RGS7: variants seen among roughly 807,000 people sequenced by gnomAD.
The protein encoded by RGS7 is regulator of G-protein signaling 7.
In RGS7, 27 loss-of-function variants were observed where a neutral mutation model predicts 81.1. That is an observed-to-expected ratio of 0.33 (90% CI 0.25 to 0.46). The LOEUF (loss-of-function observed/expected upper bound fraction) is 0.46, where lower values mean the gene tolerates loss of function less well. RGS7 is among the 20% of genes least tolerant of loss of function. The pLI, the probability that RGS7 is intolerant of heterozygous loss-of-function variation, is 1.00. For missense variants in RGS7, 396 were observed against 607.4 expected, an observed-to-expected ratio of 0.65 and a Z score of 3.66; for synonymous variants, 208 against 207.7, an observed-to-expected ratio of 1.00 and a Z score of -0.01.
chr1:240,966,866 G>T (rs1029091867), intron 4 of RGS7, among the ~76,000 whole-genome samples: 2 of 152,156 alleles, frequency 1.3e-5, no homozygotes, highest in African/African-American at 4.8e-5. Flanking sequence ...AGTAAAATAT[G>T]CAAGATAAAA....
At chr1:240,922,742 C>G (rs1205858205) in intron 6 of RGS7, among the ~76,000 whole-genome samples, 2 of 152,024 alleles carry the variant, frequency 1.3e-5, no homozygotes, top group Non-Finnish European at 2.9e-5. Flanking sequence ...TGTGGAGCAA[C>G]AGGAACTTGC....
intron 6 of RGS7, among the ~76,000 whole-genome samples, chr1:240,922,009 T>C (rs1365472326): frequency 6.6e-6 from 1 of 151,652 alleles, no homozygotes; most frequent in Non-Finnish European, 1.5e-5. Flanking sequence ...TATAAACCTA[T>C]AGTAATCGAG....
chr1:240,775,213 A>C (rs1399149165), downstream of RGS7, among the ~76,000 whole-genome samples: 1 of 152,262 alleles, frequency 6.6e-6, no homozygotes, highest in Non-Finnish European at 1.5e-5. Context: ...CAGAAATATT[A>C]ATTTGCAAAA....
chr1:241,259,842 T>C (rs2148274533), intron 2 of RGS7, among the ~76,000 whole-genome samples: 1 of 151,746 alleles, frequency 6.6e-6, no homozygotes, highest in South Asian at 2.1e-4. Context: ...GATGCCACTA[T>C]ACTTAATTGG....
chr1:241,195,304 C>T (rs80072938), intron 2 of RGS7, among the ~76,000 whole-genome samples: 16 of 151,968 alleles, frequency 1.1e-4, no homozygotes, highest in African/African-American at 3.4e-4. Flanking sequence ...GGTGAAACCC[C>T]GTCTCTACTA....
At chr1:241,203,110 T>C (rs2073639059) in intron 2 of RGS7, among the ~76,000 whole-genome samples, 1 of 152,142 alleles carries the variant, frequency 6.6e-6, no homozygotes, top group South Asian at 2.1e-4. Flanking sequence ...CCTAGAAAAT[T>C]ATTTTACCTG....
At chr1:241,114,178 A>T (rs941802366) in intron 2 of RGS7, among the ~76,000 whole-genome samples, 2 of 152,178 alleles carry the variant, frequency 1.3e-5, no homozygotes, top group African/African-American at 4.8e-5. Flanking sequence ...GTCAAGACTC[A>T]GGCAATGACA....
intron 6 of RGS7, among the ~76,000 whole-genome samples, chr1:240,905,505 C>T (rs923394823): frequency 3.3e-5 from 5 of 152,264 alleles, no homozygotes; most frequent in Non-Finnish European, 7.4e-5. Context: ...CCAACCACAA[C>T]TGAGAAAACT....
At chr1:241,356,604 A>C (rs1184070906) in intron 1 of RGS7, among the ~76,000 whole-genome samples, 4 of 152,140 alleles carry the variant, frequency 2.6e-5, no homozygotes, top group Non-Finnish European at 5.9e-5. Context: ...AACCAGCCAA[A>C]GAGGAGAAAA....
chr1:241,306,320 T>C (rs2080127532), intron 2 of RGS7, among the ~76,000 whole-genome samples: 1 of 148,586 alleles, frequency 6.7e-6, no homozygotes, highest in Admixed American at 6.7e-5. Flanking sequence ...TATACCCATG[T>C]CCACACCCTT....
intron 18 of RGS7, among the ~76,000 whole-genome samples, chr1:240,795,161 A>G (rs1386172640): frequency 1.3e-5 from 2 of 151,902 alleles, no homozygotes; most frequent in Non-Finnish European, 2.9e-5. Flanking sequence ...TCCAGCCTGG[A>G]CAACAAGAGC....
chr1:241,128,512 G>T (rs1479954241), intron 2 of RGS7, among the ~76,000 whole-genome samples: 1 of 145,676 alleles, frequency 6.9e-6, no homozygotes, highest in Non-Finnish European at 1.5e-5. Flanking sequence ...GCTTGAACCC[G>T]GGGCGGAGGT....
At chr1:241,237,076 G>A (rs762150687) in intron 2 of RGS7, among the ~76,000 whole-genome samples, 2 of 152,190 alleles carry the variant, frequency 1.3e-5, no homozygotes, top group African/African-American at 2.4e-5. Context: ...AAAGGTGATT[G>A]TGCAAGCCAG....
chr1:240,805,989 G>T (rs965455551), intron 15 of RGS7, 151 bp downstream of exon 15: 1 of 743,024 alleles, frequency 1.3e-6, no homozygotes, highest in South Asian at 1.5e-5. Flanking sequence ...ATGTGTCTTT[G>T]TTCCTTCCTA....
intron 6 of RGS7, among the ~76,000 whole-genome samples, chr1:240,918,041 T>C (rs552014003): frequency 6.6e-6 from 1 of 152,278 alleles, no homozygotes; most frequent in Non-Finnish European, 1.5e-5. Context: ...AAGGTTCAAT[T>C]CTCCACAAAG....
chr1:240,801,137 A>T (rs1280849780), intron 17 of RGS7, among the ~76,000 whole-genome samples: 1 of 152,140 alleles, frequency 6.6e-6, no homozygotes, highest in Non-Finnish European at 1.5e-5. Flanking sequence ...ACTATCTTTA[A>T]TAAAGAAAGG....
At chr1:240,808,604 C>T (rs150275959) in intron 14 of RGS7, among the ~76,000 whole-genome samples, 167 of 152,192 alleles carry the variant, frequency 1.1e-3, no homozygotes, top group African/African-American at 3.4e-3. Flanking sequence ...AGGTTTGCTC[C>T]CAGAAGATCT....
intron 4 of RGS7, among the ~76,000 whole-genome samples, chr1:240,965,177 A>G (rs1193649768): frequency 6.6e-6 from 1 of 152,122 alleles, no homozygotes; most frequent in Admixed American, 6.5e-5. Context: ...TAATGATGTC[A>G]CTGCCTCTCA....
At chr1:241,059,328 TTGG>T (rs2061631001) in intron 3 of RGS7, among the ~76,000 whole-genome samples, 2 of 152,198 alleles carry the variant, frequency 1.3e-5, no homozygotes, top group Non-Finnish European at 2.9e-5. Context: ...AGCTTCAGAC[TTGG>T]TATAGTGGTA....
Sources: gnomAD v4.1 joint callset for allele counts (sites outside exome capture counted in the v4.1 genomes callset) on GRCh38, gnomAD v4.1.1 for gene constraint, MANE v1.5 for transcripts, NCBI Gene and HGNC (gene_info 2026-07-23, HGNC 2026-07-21) for gene names.